Variants in TIAM2 observed in about 807,000 individuals in gnomAD.
The protein encoded by TIAM2 is rho guanine nucleotide exchange factor TIAM2.
A neutral mutation model predicts 152.9 loss-of-function variants in TIAM2; 80 were observed. The ratio of observed to expected loss-of-function variants is 0.52; its 90% confidence interval spans 0.44 to 0.63. The LOEUF (loss-of-function observed/expected upper bound fraction) is 0.63, where lower values mean the gene tolerates loss of function less well. Ranked by LOEUF, TIAM2 falls within the 30% of genes least tolerant of loss-of-function variation. TIAM2 has a pLI of 0.00. For missense variants in TIAM2, 1,965 were observed against 2,120.1 expected, an observed-to-expected ratio of 0.93 and a Z score of 1.44; for synonymous variants, 804 against 838.0, an observed-to-expected ratio of 0.96 and a Z score of 0.70.
chr6:155,118,724 C>A (rs370891908), intron 2 of TIAM2, among the ~76,000 whole-genome samples: 1 of 151,782 alleles, frequency 6.6e-6, no homozygotes, highest in African/African-American at 2.4e-5. Flanking sequence ...CGTGAGCCAC[C>A]GCGCACGGCC....
intron 2 of TIAM2, among the ~76,000 whole-genome samples, chr6:155,101,421 C>T (rs1188306376): frequency 6.6e-6 from 1 of 152,244 alleles, no homozygotes; most frequent in African/African-American, 2.4e-5. Context: ...GTAATTACAT[C>T]CAAGGTGCAC....
At chr6:155,175,849 C>T (rs78405837) in intron 9 of TIAM2, among the ~76,000 whole-genome samples, 1,988 of 152,260 alleles carry the variant, frequency 0.013, 55 homozygotes, top group African/African-American at 0.045. Context: ...GAAAGGCTTC[C>T]TGAAGGTGGT....
intron 15 of TIAM2, among the ~76,000 whole-genome samples, chr6:155,224,860 A>G (rs889860036): frequency 6.6e-6 from 1 of 152,256 alleles, no homozygotes; most frequent in South Asian, 2.1e-4. Flanking sequence ...TTCATCACCA[A>G]CTGCTCAGAA....
Position 155,243,846 on chromosome 6 carries a change from C to CAAAAAAAA in TIAM2, c.3349-141_3349-134dup, listed in dbSNP as rs59365890. Among the ~76,000 whole-genome samples the CAAAAAAAA allele has an allele frequency of 1.3e-3, 72 of 55,050 alleles. 4 individuals carry two copies. The highest frequency in any genetic ancestry group is 5.3e-3 in the African/African-American group (66 of 12,392). The allele number at this position is 55,050 out of a possible 152,430, so 36.1% of individuals were successfully genotyped here. ...TGGGTGACAGAGCAAGACTCCGTCT[C>CAAAAAAAA]AAAAAAAAAAAAAAAAAAAAAAAAA... On this transcript the variant is annotated intron_variant, in intron 16 of 26. Transcript: ENST00000682666.
At chr6:155,020,041 T>G (rs9480011) in intron 1 of TIAM2, among the ~76,000 whole-genome samples, 114,833 of 151,580 alleles carry the variant, frequency 0.76, 43,732 homozygotes, top group East Asian at 0.86. Context: ...AACAGAGTGA[T>G]ACTCCGTCTG....
chr6:155,090,617 C>A (rs1238501075), intron 2 of TIAM2, among the ~76,000 whole-genome samples: 1 of 152,094 alleles, frequency 6.6e-6, no homozygotes, highest in African/African-American at 2.4e-5. Flanking sequence ...GCTGGATGGT[C>A]CACTCAGTGT....
intron 14 of TIAM2, among the ~76,000 whole-genome samples, chr6:155,184,151 G>A (rs150708412): frequency 0.01 from 1,559 of 152,040 alleles, 28 homozygotes; most frequent in African/African-American, 0.032. Context: ...ACCATGCCTC[G>A]CTAATTTTTG....
intron 19 of TIAM2, among the ~76,000 whole-genome samples, chr6:155,246,856 A>G (rs556225342): frequency 6.6e-6 from 1 of 152,246 alleles, no homozygotes; most frequent in African/African-American, 2.4e-5. Flanking sequence ...TTTTGATCTT[A>G]CAACACAATC....
In TIAM2 at chr6:155,224,195, C is replaced by G. The variant is rs1026641052; in HGVS notation, c.3168+12888C>G. Among the ~76,000 whole-genome samples, 8 of 152,168 alleles carry G rather than the reference C, an allele frequency of 5.3e-5. No individual in the cohort carries two copies. The South Asian group carries it at 6.2e-4, about 12-fold the overall frequency. On this transcript the variant is annotated intron_variant, in intron 15 of 26. Coordinates refer to ENST00000682666, the MANE Select transcript of TIAM2 (RefSeq NM_012454.4). The stretch of plus-strand genomic sequence containing the variant: ...TTTGAGTTTCAAGGCATTTTCTGTG[C>G]CTTTCATGACTCATAGCAGATTCTC...
intron 1 of TIAM2, among the ~76,000 whole-genome samples, chr6:155,046,598 G>A (rs1172818055): frequency 6.6e-6 from 1 of 152,174 alleles, no homozygotes; most frequent in Non-Finnish European, 1.5e-5. Context: ...GCCTCCCAAA[G>A]TGCTGGGATT....
chr6:155,252,361 C>T (rs560272348), intron 23 of TIAM2, among the ~76,000 whole-genome samples: 17 of 152,116 alleles, frequency 1.1e-4, no homozygotes, highest in East Asian at 5.8e-4. Context: ...CCCAGCTACT[C>T]GGGAGGCTGA....
chr6:155,155,013 A>C (rs570399633), intron 7 of TIAM2, among the ~76,000 whole-genome samples: 5 of 152,196 alleles, frequency 3.3e-5, no homozygotes, highest in African/African-American at 1.2e-4. Context: ...GGAACAAACC[A>C]CTGGAGTGTA....
chr6:155,145,186 T>G (rs1779793794), intron 6 of TIAM2, among the ~76,000 whole-genome samples: 1 of 152,152 alleles, frequency 6.6e-6, no homozygotes, highest in African/African-American at 2.4e-5. Context: ...TCAGTGGATG[T>G]CAAAAGTTTT....
intron 1 of TIAM2, among the ~76,000 whole-genome samples, chr6:155,052,375 CAA>C (rs1426060948): frequency 6.6e-6 from 1 of 152,036 alleles, no homozygotes; most frequent in African/African-American, 2.4e-5. Flanking sequence ...AAATTATATA[CAA>C]GTTACTTGAT....
chr6:155,238,906 T>A (rs1365823527), intron 15 of TIAM2, among the ~76,000 whole-genome samples: 1 of 152,170 alleles, frequency 6.6e-6, no homozygotes, highest in Non-Finnish European at 1.5e-5. Flanking sequence ...CAGAGATCAA[T>A]GTTGAGTTTT....
intron 1 of TIAM2, among the ~76,000 whole-genome samples, chr6:155,020,323 G>C (rs1238106699): frequency 6.6e-6 from 1 of 152,196 alleles, no homozygotes; most frequent in Non-Finnish European, 1.5e-5. Context: ...CCGTCAGGGG[G>C]AACTTCTGAA....
chr6:155,028,456 T>C (rs1457702234), intron 1 of TIAM2, among the ~76,000 whole-genome samples: 1 of 135,842 alleles, frequency 7.4e-6, no homozygotes, highest in Non-Finnish European at 1.6e-5. Flanking sequence ...ATATACTACA[T>C]ATAATATATA....
At chr6:155,048,618 G>T (rs1230776402) in intron 1 of TIAM2, among the ~76,000 whole-genome samples, 1 of 152,162 alleles carries the variant, frequency 6.6e-6, no homozygotes, top group Non-Finnish European at 1.5e-5. Flanking sequence ...GGCAGGCCTG[G>T]TGGCTCGAGG....
intron 9 of TIAM2, among the ~76,000 whole-genome samples, chr6:155,173,912 G>C (rs1780699609): frequency 2.0e-5 from 3 of 152,192 alleles, no homozygotes. Flanking sequence ...GGGTATATAT[G>C]GTTTCAGCAC....
Sources: allele counts gnomAD v4.1 joint callset (sites outside exome capture counted in the v4.1 genomes callset), GRCh38; gene constraint gnomAD v4.1.1; transcripts MANE v1.5; gene names NCBI Gene and HGNC (gene_info 2026-07-23, HGNC 2026-07-21).